The following NSD3 variants were observed in gnomAD, a reference collection of about 807,000 sequenced individuals.
NSD3 encodes histone-lysine N-methyltransferase NSD3.
Under a neutral mutation model 160.8 loss-of-function variants are expected in NSD3, and 24 were observed. That is an observed-to-expected ratio of 0.15 (90% CI 0.11 to 0.21). The LOEUF (loss-of-function observed/expected upper bound fraction) is 0.21, where lower values mean the gene tolerates loss of function less well. Ranked by LOEUF, NSD3 falls within the 10% of genes least tolerant of loss-of-function variation. The pLI, the probability that NSD3 is intolerant of heterozygous loss-of-function variation, is 1.00. For synonymous variants in NSD3, 520 were observed against 600.0 expected (o/e 0.87, Z 1.95); for missense variants, 1,157 against 1,735.9 (o/e 0.67, Z 5.93).
chr8:38,335,067 G>T (rs137913292), intron 4 of NSD3, among the ~76,000 whole-genome samples: 1 of 140,756 alleles, frequency 7.1e-6, no homozygotes, highest in East Asian at 2.2e-4. Context: ...CACTGCAACC[G>T]CAACCTCCAC....
chr8:38,332,098 A>G (rs1297011582), intron 4 of NSD3, among the ~76,000 whole-genome samples: 1 of 151,814 alleles, frequency 6.6e-6, no homozygotes, highest in African/African-American at 2.4e-5. Context: ...GTTAATTAAT[A>G]AATTTTTTTG....
At chr8:38,361,802 G>A (rs968917483) in intron 1 of NSD3, among the ~76,000 whole-genome samples, 1 of 151,108 alleles carries the variant, frequency 6.6e-6, no homozygotes, top group Non-Finnish European at 1.5e-5. Flanking sequence ...CAAGTGTCCT[G>A]GATGACAAAG....
chr8:38,309,027 G>A lies in NSD3; in HGVS notation c.2243-3582C>T, dbSNP rs950081831. Among the ~76,000 whole-genome samples, 7 of 150,740 alleles carry A rather than the reference G, an allele frequency of 4.6e-5. No individual in the cohort carries two copies. In the South Asian group the frequency reaches 1.3e-3, roughly 27 times the overall value. On this transcript the variant is annotated intron_variant, in intron 12 of 23. Transcript: ENST00000317025. ...TTTCATTAAGAACAAGTCAGTCAGT[G>A]GCTAGGCACAGTGACACATGCCTGT...
chr8:38,291,394 T>C (rs1203722985), intron 16 of NSD3, among the ~76,000 whole-genome samples: 1 of 152,168 alleles, frequency 6.6e-6, no homozygotes, highest in Non-Finnish European at 1.5e-5. Context: ...AGTCAGAAAA[T>C]GAGGCCAACC....
At position 38,329,419 on chromosome 8, in the gene NSD3, C is replaced by G. The variant is rs758798910; in HGVS notation, c.1540G>C (p.Gly514Arg). The G allele has an allele frequency of 6.2e-7, 1 of 1,614,020 alleles. No homozygotes were observed. Among genetic ancestry groups the G allele is most frequent in the Non-Finnish European group, 8.5e-7 (1 of 1,179,874 alleles). ...AATTGATCGATAAATTTCCCATCCC[C>G]TGTAGCATTCTGAAGAGCAAACACT... is the stretch of plus-strand genomic sequence containing the variant. ...EQVFALQNAT[G>R]DGKFIDQFVY... Residue 514 changes from glycine to arginine, a missense_variant, in exon 6 of 24, where the codon GGG (glycine) becomes CGG (arginine). Around this residue, in one of 10 missense-constraint regions of NSD3, gnomAD observed 102 missense variants for 126.5 expected, o/e 0.81. Transcript: ENST00000317025. The surrounding 1 kb of genome is among the most constrained non-coding windows in gnomAD (Gnocchi z 4.8).
Position 38,317,774 on chromosome 8 carries a change from C to A in NSD3, c.1855+1121G>T, listed in dbSNP as rs1809704522. 2 of 1,408,462 alleles carry A rather than the reference C, an allele frequency of 1.4e-6. No individual in the cohort carries two copies. Among genetic ancestry groups the A allele is most frequent in the Non-Finnish European group, 1.8e-6 (2 of 1,084,068 alleles). The allele number at this position is 1,408,462 out of a possible 1,614,324, so 87.2% of individuals were successfully genotyped here. On this transcript the variant is annotated intron_variant, in intron 9 of 23. Coordinates refer to ENST00000317025, the MANE Select transcript of NSD3 (RefSeq NM_023034.2). The surrounding 1 kb of genome is among the most constrained non-coding windows in gnomAD (Gnocchi z 5.3). ...CCAGCTCAAACCGAAAAAAAAAAAT[C>A]ATTTGACTGTTAAAGCAATTGTTCA...
chr8:38,329,272 G>A lies in NSD3; in HGVS notation c.1581+106C>T. ...AATGACTGTATGTTTCAAATTCAGTGGGTAGAAAGGGTATTTAAATTATGC... is the reference window on the plus strand; with the variant it reads ...AATGACTGTATGTTTCAAATTCAGTAGGTAGAAAGGGTATTTAAATTATGC... On this transcript the variant is annotated intron_variant, in intron 6 of 23. Coordinates refer to ENST00000317025, the MANE Select transcript of NSD3 (RefSeq NM_023034.2). This position sits in a 1 kb window ranked among gnomAD's most constrained non-coding sequence, Gnocchi z 4.8. The A allele has an allele frequency of 9.9e-6, 13 of 1,311,844 alleles. No homozygotes were observed. The highest frequency in any genetic ancestry group is 1.3e-5 in the Non-Finnish European group (13 of 963,172). The allele number at this position is 1,311,844 out of a possible 1,614,324, so 81.3% of individuals were successfully genotyped here. A position where few individuals can be genotyped will look rare whatever the true frequency, so the allele number is the denominator to read the frequency against.
At chr8:38,369,166 T>C (rs1421186601) in intron 1 of NSD3, among the ~76,000 whole-genome samples, 2 of 151,242 alleles carry the variant, frequency 1.3e-5, no homozygotes, top group African/African-American at 4.8e-5. Flanking sequence ...CGCTTTAGTA[T>C]TTTAGGTTCA....
chr8:38,345,355 AG>A (rs1295748138), intron 2 of NSD3, among the ~76,000 whole-genome samples: 1 of 129,152 alleles, frequency 7.7e-6, no homozygotes, highest in African/African-American at 2.9e-5. Flanking sequence ...GGAGAGGAAG[AG>A]GGGGAGAAGG....
rs1191821843 is a variant in NSD3 at position 38,347,940 on chromosome 8, T to C, written c.232A>G (p.Ser78Gly). ...TATTTGGTTTGAGTTTCATACACACTGATTGATGATGGATACCCATTTGTG... is the reference window on the plus strand; with the variant it reads ...TATTTGGTTTGAGTTTCATACACACCGATTGATGATGGATACCCATTTGTG... ...PLTNGYPSSI[S>G]VYETQTKYQS... is the part of the protein sequence containing the mutation. The change falls in exon 2 of 24, where the codon AGT (serine) becomes GGT (glycine). Residue 78 changes from serine (S) to glycine (G), a missense_variant. This residue lies in a region of NSD3 where 121 missense variants were observed against 177.2 expected (regional missense o/e 0.68). Transcript: ENST00000317025. 17 of 1,614,222 alleles carry C rather than the reference T, an allele frequency of 1.1e-5. No homozygotes were observed. The highest frequency in any genetic ancestry group is 1.4e-5 in the Non-Finnish European group (17 of 1,180,034).
intron 12 of NSD3, among the ~76,000 whole-genome samples, chr8:38,311,857 G>C (rs1397974381): frequency 2.0e-5 from 3 of 152,090 alleles, no homozygotes; most frequent in African/African-American, 7.2e-5. Flanking sequence ...TGAAATCACT[G>C]CCACATCCAT....
chr8:38,366,391 T>C lies in NSD3; in HGVS notation c.-45+15408A>G, dbSNP rs182301746. ...TATAGTAATCACAAGGCAAAGAATGTACAATTATGTTCACATCTACTTAAT... is the reference window on the plus strand; with the variant it reads ...TATAGTAATCACAAGGCAAAGAATGCACAATTATGTTCACATCTACTTAAT... On this transcript the variant is annotated intron_variant, in intron 1 of 23. Transcript: ENST00000317025. 3.9e-3 allele frequency among the ~76,000 whole-genome samples: 586 copies of C among 151,784 alleles called. 13 individuals carry two copies. The highest frequency in any genetic ancestry group is 0.034 in the Admixed American group (517 of 15,176).
intron 1 of NSD3, among the ~76,000 whole-genome samples, chr8:38,361,136 G>C (rs914860548): frequency 8.5e-5 from 13 of 152,104 alleles, no homozygotes; most frequent in African/African-American, 2.9e-4. Context: ...TGGGATTACA[G>C]GCACGCGCCA....
At chr8:38,325,575 C>CA (rs1233677464) in intron 7 of NSD3, among the ~76,000 whole-genome samples, 1 of 152,122 alleles carries the variant, frequency 6.6e-6, no homozygotes, top group Non-Finnish European at 1.5e-5. Context: ...AAGTTAGTCT[C>CA]AAAAAAATTA....
At chr8:38,381,703 G>C in intron 1 of NSD3, 96 bp downstream of exon 1, 1 of 152,272 alleles carries the variant, frequency 6.6e-6, no homozygotes, top group Non-Finnish European at 1.5e-5. Context: ...CCTCCCCGTC[G>C]TTCCCTCCTC....
At chr8:38,285,578 C>G (rs1009623985) in intron 19 of NSD3, among the ~76,000 whole-genome samples, 1 of 152,214 alleles carries the variant, frequency 6.6e-6, no homozygotes, top group Non-Finnish European at 1.5e-5. Context: ...TCTTACAACA[C>G]ATTTCAGAAT....
chr8:38,373,854 T>C (rs1203818275), intron 1 of NSD3, among the ~76,000 whole-genome samples: 1 of 148,072 alleles, frequency 6.8e-6, no homozygotes, highest in Admixed American at 6.9e-5. Context: ...TCCCAACACT[T>C]TGGGAGGACG....
Position 38,329,371 on chromosome 8 carries a change from G to A in NSD3, c.1581+7C>T, listed in dbSNP as rs1487093076. 6 of 1,601,876 alleles carry A rather than the reference G, an allele frequency of 3.7e-6. No individual in the cohort carries two copies. In the East Asian group the frequency reaches 1.3e-4, roughly 36 times the overall value. On this transcript the variant is annotated splice_region_variant and intron_variant, in intron 6 of 23. Transcript: ENST00000317025. The surrounding 1 kb of genome is among the most constrained non-coding windows in gnomAD (Gnocchi z 4.8). ...CCCCCAAAAAACTCCACGAAAAAAG[G>A]AGGTACCTTTGTTGAATAAACAAAT...
chr8:38,360,962 A>G (rs995549033), intron 1 of NSD3, among the ~76,000 whole-genome samples: 1 of 152,234 alleles, frequency 6.6e-6, no homozygotes, highest in Non-Finnish European at 1.5e-5. Flanking sequence ...TTGTTATATG[A>G]CATTTAGTTA....
Sources: allele counts gnomAD v4.1 joint callset (sites outside exome capture counted in the v4.1 genomes callset), GRCh38; gene constraint gnomAD v4.1.1; regional missense constraint gnomAD v4.1.1; non-coding constraint Gnocchi (gnomAD v3.1); transcripts MANE v1.5; gene names NCBI Gene and HGNC (gene_info 2026-07-23, HGNC 2026-07-21).